The following TBC1D1 variants were observed in gnomAD, a reference collection of about 807,000 sequenced individuals.
TBC1D1 encodes the protein TBC1 domain family member 1, also known as TBC1 (tre-2/USP6, BUB2, cdc16) domain family, member 1.
Under a neutral mutation model 125.6 loss-of-function variants are expected in TBC1D1, and 89 were observed. The observed-to-expected ratio is 0.71, with a 90% CI of 0.60 to 0.85. TBC1D1 has a LOEUF of 0.85. Among genes scored for constraint, TBC1D1 ranks in the 40% least tolerant of loss-of-function variants. TBC1D1 has a pLI of 0.00. For missense variants in TBC1D1, 1,377 were observed against 1,469.2 expected (o/e 0.94, Z 1.03); for synonymous variants, 565 against 564.1 (o/e 1.00, Z -0.02).
At chr4:38,038,337 A>C (rs141432509) in intron 8 of TBC1D1, among the ~76,000 whole-genome samples, 47 of 152,314 alleles carry the variant, frequency 3.1e-4, no homozygotes, top group African/African-American at 1.1e-3. Context: ...AGAAAAGTTG[A>C]AAGAATTATA....
intron 11 of TBC1D1, among the ~76,000 whole-genome samples, chr4:38,052,726 G>A (rs765531714): frequency 0.033 from 2,252 of 68,934 alleles, 22 homozygotes; most frequent in Middle Eastern, 0.057. Flanking sequence ...GCGCGCGCGC[G>A]CGCACACACA....
chr4:38,124,054 A>C (rs1197246295), intron 17 of TBC1D1, among the ~76,000 whole-genome samples: 1 of 152,258 alleles, frequency 6.6e-6, no homozygotes, highest in Non-Finnish European at 1.5e-5. Flanking sequence ...AGCCAAAAGA[A>C]ACAGAGAAAA....
rs956268326 is a variant in TBC1D1, at chr4:37,938,433, G to C, written c.417+35921G>C. 2.6e-5 allele frequency among the ~76,000 whole-genome samples: 4 copies of C among 152,162 alleles called. No homozygotes were observed. In the South Asian group the frequency reaches 8.3e-4, roughly 32 times the overall value. ...CTAGGTGCGCCACAGTGGTTGGACA[G>C]TGCAAACATAAGACACTTTGATAGG... On this transcript the variant is annotated intron_variant, in intron 2 of 19. Transcript: ENST00000261439.
At chr4:38,066,930 G>C (rs1286433359) in intron 12 of TBC1D1, among the ~76,000 whole-genome samples, 1 of 151,988 alleles carries the variant, frequency 6.6e-6, no homozygotes, top group Non-Finnish European at 1.5e-5. Flanking sequence ...GGGCTGGAGT[G>C]CAGTGGTGCA....
chr4:38,126,725 G>T (rs551007435), intron 18 of TBC1D1, among the ~76,000 whole-genome samples: 23 of 152,040 alleles, frequency 1.5e-4, no homozygotes, highest in Admixed American at 3.9e-4. Context: ...CGAAATATAC[G>T]CATGATCCCA....
intron 2 of TBC1D1, among the ~76,000 whole-genome samples, chr4:37,991,866 T>C (rs1184711703): frequency 6.6e-6 from 1 of 152,130 alleles, no homozygotes; most frequent in East Asian, 1.9e-4. Flanking sequence ...GAGTGAGTGA[T>C]TCAAAGGTCC....
intron 12 of TBC1D1, among the ~76,000 whole-genome samples, chr4:38,078,779 G>A (rs1249317609): frequency 6.6e-6 from 1 of 152,196 alleles, no homozygotes; most frequent in African/African-American, 2.4e-5. Context: ...CAGTCCCTAT[G>A]ATTTTATTAG....
rs1724053664 is a variant in TBC1D1 at position 37,934,843 on chromosome 4, C to T, written c.417+32331C>T. 2.6e-5 allele frequency among the ~76,000 whole-genome samples: 4 copies of T among 152,156 alleles called. 1 individual carries two copies. The South Asian group carries it at 8.3e-4, about 32-fold the overall frequency. ...ACAAATGACCCCCAAATCTCAGTGG[C>T]TTATAACAGCAAACATTTATTTTTG... On this transcript the variant is annotated intron_variant, in intron 2 of 19. Transcript: ENST00000261439.
Position 37,973,638 on chromosome 4 carries a change from C to T in TBC1D1, c.418-40871C>T, listed in dbSNP as rs4328923. Among the ~76,000 whole-genome samples, 741 of 152,182 alleles carry T rather than the reference C, an allele frequency of 4.9e-3. 20 individuals carry two copies. In the South Asian group the frequency reaches 0.053, roughly 11 times the overall value. On this transcript the variant is annotated intron_variant, in intron 2 of 19. Transcript: ENST00000261439. Reference sequence around the variant, plus strand: ...ACATTTGTCCTGGGTTCAGCTTGTCCAGTCTGGTCCTCAGCTGACCATCCA... The same window carrying T: ...ACATTTGTCCTGGGTTCAGCTTGTCTAGTCTGGTCCTCAGCTGACCATCCA...
intron 8 of TBC1D1, among the ~76,000 whole-genome samples, chr4:38,040,953 A>G (rs1748247997): frequency 6.6e-6 from 1 of 152,350 alleles, no homozygotes; most frequent in African/African-American, 2.4e-5. Context: ...GAACAAGCCA[A>G]TATTACATGT....
At chr4:38,096,963 T>C (rs554926921) in intron 14 of TBC1D1, among the ~76,000 whole-genome samples, 50 of 152,308 alleles carry the variant, frequency 3.3e-4, no homozygotes, top group Admixed American at 6.5e-4. Flanking sequence ...ATTAGTGTTC[T>C]AGTCAAACAA....
chr4:37,891,385 G>A (rs901544485), intron 1 of TBC1D1, 37 bp downstream of exon 1: 1 of 152,408 alleles, frequency 6.6e-6, no homozygotes, highest in Non-Finnish European at 1.5e-5. Context: ...TGGCCACCCT[G>A]CTGGCTCCTC....
intron 14 of TBC1D1, among the ~76,000 whole-genome samples, chr4:38,099,392 G>A (rs888766297): frequency 6.6e-6 from 1 of 152,116 alleles, no homozygotes; most frequent in African/African-American, 2.4e-5. Flanking sequence ...AAACACCCAC[G>A]ATGCAGATGT....
intron 8 of TBC1D1, among the ~76,000 whole-genome samples, chr4:38,043,810 T>C (rs1430811173): frequency 6.6e-6 from 1 of 151,960 alleles, no homozygotes; most frequent in Non-Finnish European, 1.5e-5. Context: ...GATGAAGGAA[T>C]TGTATAGGCA....
chr4:37,956,299 A>G (rs1377637187), intron 2 of TBC1D1, among the ~76,000 whole-genome samples: 2 of 152,154 alleles, frequency 1.3e-5, no homozygotes, highest in Non-Finnish European at 2.9e-5. Flanking sequence ...GACTACAGGC[A>G]TGAGCCACCA....
At chr4:38,131,168 G>C (rs1346576707) in intron 18 of TBC1D1, among the ~76,000 whole-genome samples, 1 of 152,176 alleles carries the variant, frequency 6.6e-6, no homozygotes, top group Non-Finnish European at 1.5e-5. Flanking sequence ...TGGAGGCCTG[G>C]AAGAGTTTAT....
intron 11 of TBC1D1, among the ~76,000 whole-genome samples, chr4:38,052,719 C>CGCGCGT (rs1750905838): frequency 1.4e-5 from 1 of 72,692 alleles, no homozygotes; most frequent in African/African-American, 5.2e-5. Flanking sequence ...CACACGCGCG[C>CGCGCGT]GCGCGCGCGC....
At chr4:37,899,199 G>A (rs936810908) in intron 1 of TBC1D1, among the ~76,000 whole-genome samples, 1 of 151,752 alleles carries the variant, frequency 6.6e-6, no homozygotes, top group African/African-American at 2.4e-5. Context: ...GGATGAAGAA[G>A]GGATCTGAAT....
chr4:38,014,432 A>AAAG lies in TBC1D1; in HGVS notation c.418-75_418-73dup. The AAAG allele has an allele frequency of 6.8e-7, 1 of 1,460,914 alleles. No individual in the cohort carries two copies. Among genetic ancestry groups the AAAG allele is most frequent in the Non-Finnish European group, 9.4e-7 (1 of 1,060,262 alleles). The allele number at this position is 1,460,914 out of a possible 1,614,324, so 90.5% of individuals were successfully genotyped here. Reference sequence around the variant, plus strand: ...GTGGAGTAGCCAGCGGGGCGTCCCGAAAGAGCATGGTGCATTCATTCCGTG... The same window carrying AAAG: ...GTGGAGTAGCCAGCGGGGCGTCCCGAAAGAAGAGCATGGTGCATTCATTCCGTG... On this transcript the variant is annotated intron_variant, in intron 2 of 19. Transcript: ENST00000261439. This position sits in a 1 kb window ranked among gnomAD's most constrained non-coding sequence, Gnocchi z 5.1.
Sources: allele counts gnomAD v4.1 joint callset (sites outside exome capture counted in the v4.1 genomes callset), GRCh38; gene constraint gnomAD v4.1.1; non-coding constraint Gnocchi (gnomAD v3.1); transcripts MANE v1.5; gene names NCBI Gene and HGNC (gene_info 2026-07-23, HGNC 2026-07-21).